Variants in RAB35 observed in about 807,000 individuals in gnomAD.
RAB35 encodes ras-related protein Rab-35.
In RAB35, 4 loss-of-function variants were observed where a neutral mutation model predicts 28.9. The observed-to-expected ratio is 0.14, with a 90% CI of 0.07 to 0.32. The LOEUF (loss-of-function observed/expected upper bound fraction) is 0.32, where lower values mean the gene tolerates loss of function less well. Ranked by LOEUF, RAB35 falls within the 10% of genes least tolerant of loss-of-function variation. The pLI is 1.00. For synonymous variants in RAB35, 99 were observed against 105.1 expected, an observed-to-expected ratio of 0.94 and a Z score of 0.35; for missense variants, 128 against 274.0, an observed-to-expected ratio of 0.47 and a Z score of 3.76.
intron 1 of RAB35, among the ~76,000 whole-genome samples, chr12:120,113,813 G>A (rs145280465): frequency 0.064 from 8,622 of 134,374 alleles, 499 homozygotes; most frequent in African/African-American, 0.19. Flanking sequence ...GCGAGACTCC[G>A]TCTCAAAAAA....
chr12:120,106,878 C>T (rs961491174), intron 2 of RAB35, among the ~76,000 whole-genome samples: 7 of 151,916 alleles, frequency 4.6e-5, no homozygotes, highest in South Asian at 2.1e-4. Flanking sequence ...TGAGCCACCG[C>T]GCCTGGCCAA....
intron 2 of RAB35, among the ~76,000 whole-genome samples, chr12:120,106,621 C>CTCACTCTG (rs1875891602): frequency 7.4e-6 from 1 of 136,022 alleles, no homozygotes; most frequent in Non-Finnish European, 1.5e-5. Context: ...GAGACGGAGT[C>CTCACTCTG]TCACTCTGTC....
rs549188271 is a variant in RAB35, at chr12:120,111,573, C to T, written c.53-3106G>A. ...GTGCGTGCCTGTAATCCCAGCTACT[C>T]GGGAGGCTGAGGCAGGAGAATCGCC... On this transcript the variant is annotated intron_variant, in intron 1 of 5. Coordinates refer to ENST00000229340, the MANE Select transcript of RAB35 (RefSeq NM_006861.7). Among the ~76,000 whole-genome samples, 9 of 151,818 alleles carry T rather than the reference C, an allele frequency of 5.9e-5. No homozygotes were observed. In the South Asian group the frequency reaches 1.5e-3, roughly 25 times the overall value.
Position 120,103,981 on chromosome 12 carries a change from C to T in RAB35, c.104-32G>A, listed in dbSNP as rs112874870. The T allele has an allele frequency of 3.1e-4, 507 of 1,610,896 alleles. 1 individual carries two copies. The African/African-American group carries it at 4.8e-3, about 15-fold the overall frequency. ...ACACAGGGCAGTTAACGAGGCCCAG[C>T]GCGGTATCTTCCCAGGCCCTGAGCC... is the stretch of plus-strand genomic sequence containing the variant. On this transcript the variant is annotated intron_variant, in intron 2 of 5. Coordinates refer to ENST00000229340, the MANE Select transcript of RAB35 (RefSeq NM_006861.7). This position sits in a 1 kb window ranked among gnomAD's most constrained non-coding sequence, Gnocchi z 6.1.
At chr12:120,113,750 G>A (rs1249701778) in intron 1 of RAB35, among the ~76,000 whole-genome samples, 1 of 151,912 alleles carries the variant, frequency 6.6e-6, no homozygotes, top group Non-Finnish European at 1.5e-5. Context: ...CCGGGGAGGT[G>A]GAGCCGGCAG....
intron 1 of RAB35, among the ~76,000 whole-genome samples, chr12:120,114,229 G>A (rs1248020602): frequency 6.6e-6 from 1 of 152,212 alleles, no homozygotes; most frequent in Non-Finnish European, 1.5e-5. Flanking sequence ...AAGTAGCTGG[G>A]ATTACAGGCA....
rs779509340 is a variant in RAB35, at chr12:120,103,274, AGGTGGGCAACC to A, written c.227+541_227+551del. On this transcript the variant is annotated intron_variant, in intron 3 of 5. Transcript: ENST00000229340. This position sits in a 1 kb window ranked among gnomAD's most constrained non-coding sequence, Gnocchi z 6.1. Reference sequence around the variant, plus strand: ...CCCCCGGCCTGCAGCTCAGCCACAAAGGTGGGCAACCGGTGGGCGGCCGGATTTCCCAGGAA... The same window carrying A: ...CCCCCGGCCTGCAGCTCAGCCACAAAGGTGGGCGGCCGGATTTCCCAGGAA... Among the ~76,000 whole-genome samples the A allele has an allele frequency of 5.4e-4, 82 of 152,192 alleles. No individual in the cohort carries two copies. Among genetic ancestry groups the A allele is most frequent in the Non-Finnish European group, 1.1e-3 (73 of 68,036 alleles).
intron 3 of RAB35, chr12:120,099,442 T>C: frequency 2.0e-6 from 1 of 490,010 alleles, no homozygotes. Context: ...GTTCAGAGTC[T>C]GCTGCAGGCT....
intron 1 of RAB35, among the ~76,000 whole-genome samples, chr12:120,113,772 C>T (rs1035597875): frequency 2.0e-5 from 3 of 150,672 alleles, no homozygotes; most frequent in East Asian, 2.0e-4. Context: ...GAGCCGAGAT[C>T]GCGCCACTGC....
intron 2 of RAB35, among the ~76,000 whole-genome samples, 171 bp downstream of exon 2, chr12:120,108,246 G>A (rs1371857368): frequency 2.0e-5 from 3 of 152,176 alleles, no homozygotes; most frequent in Non-Finnish European, 2.9e-5. Context: ...AGAGGCTTCT[G>A]ACAGAAGCGC....
chr12:120,106,608 TTTG>T (rs1875889726), intron 2 of RAB35, among the ~76,000 whole-genome samples: 1 of 150,590 alleles, frequency 6.6e-6, no homozygotes, highest in African/African-American at 2.4e-5. Flanking sequence ...TTTTTTTTTT[TTTG>T]AGACGGAGTC....
chr12:120,109,657 CT>C (rs543003528), intron 1 of RAB35, among the ~76,000 whole-genome samples: 1,359 of 119,992 alleles, frequency 0.011, 16 homozygotes, highest in African/African-American at 0.027. Context: ...GTTGCCCAGG[CT>C]TTTTTTTTTT....
At position 120,096,264 on chromosome 12, in the gene RAB35, A is replaced by G; in HGVS notation, c.*981T>C. ...CAAGAAAGCCCAAGAGTCCAGCCCC[A>G]CAATGGCAGGAAGCCATTCATTTTT... is the stretch of plus-strand genomic sequence containing the variant. On this transcript the variant is annotated 3_prime_UTR_variant, in exon 6 of 6. Coordinates refer to ENST00000229340, the MANE Select transcript of RAB35 (RefSeq NM_006861.7). 8.1e-6 allele frequency: 4 copies of G among 491,090 alleles called. No individual in the cohort carries two copies. The highest frequency in any genetic ancestry group is 4.0e-5 in the South Asian group (2 of 49,404). 30.4% of individuals were successfully genotyped at this position (491,090 alleles called of 1,614,324 possible). A position where few individuals can be genotyped will look rare whatever the true frequency, so the allele number is the denominator to read the frequency against.
rs112700483 is a variant in RAB35, at chr12:120,099,203, C to A, written c.228-49G>T. 2.5e-6 allele frequency: 4 copies of A among 1,610,266 alleles called. No homozygotes were observed. The African/African-American group carries it at 4.0e-5, about 16-fold the overall frequency. On this transcript the variant is annotated intron_variant, in intron 3 of 5. Coordinates refer to ENST00000229340, the MANE Select transcript of RAB35 (RefSeq NM_006861.7). The stretch of plus-strand genomic sequence containing the variant: ...GCATGTCAACCCCGACAGGAGTCAC[C>A]CCCTTGCCGGGACCCACCTGCCCAC...
In RAB35 at chr12:120,096,957, T is replaced by C. The variant is rs1250595722; in HGVS notation, c.*288A>G. 12 of 1,420,204 alleles carry C rather than the reference T, an allele frequency of 8.4e-6. No individual in the cohort carries two copies. Among genetic ancestry groups the C allele is most frequent in the South Asian group, 1.2e-5 (1 of 82,194 alleles). The allele number at this position is 1,420,204 out of a possible 1,614,324, so 88.0% of individuals were successfully genotyped here. On this transcript the variant is annotated 3_prime_UTR_variant, in exon 6 of 6. Coordinates refer to ENST00000229340, the MANE Select transcript of RAB35 (RefSeq NM_006861.7). ...CGGCCGGGTAGAGCAATATACACTA[T>C]GTACAGACTCTGCGAATCAGTCCGC...
intron 1 of RAB35, among the ~76,000 whole-genome samples, chr12:120,115,024 TCTCCAAGAGAA>T (rs1876273064): frequency 6.6e-6 from 1 of 152,102 alleles, no homozygotes; most frequent in Middle Eastern, 3.2e-3. Flanking sequence ...CCAAAGGCCA[TCTCCAAGAGAA>T]CACTCCAGAG....
intron 5 of RAB35, 44 bp downstream of exon 5, chr12:120,098,767 C>A: frequency 6.2e-7 from 1 of 1,608,966 alleles, no homozygotes; most frequent in Non-Finnish European, 8.5e-7. Context: ...ATGGAGAAGG[C>A]GGCCACGGGT....
Position 120,096,721 on chromosome 12 carries a change from G to A in RAB35, c.*524C>T, listed in dbSNP as rs1182601602. The A allele has an allele frequency of 7.0e-6, 9 of 1,289,850 alleles. No individual in the cohort carries two copies. The highest frequency in any genetic ancestry group is 1.0e-6 in the Non-Finnish European group (1 of 988,944). The allele number at this position is 1,289,850 out of a possible 1,614,324, so 79.9% of individuals were successfully genotyped here. A position where few individuals can be genotyped will look rare whatever the true frequency, so the allele number is the denominator to read the frequency against. The stretch of plus-strand genomic sequence containing the variant: ...CCCCGGAGAAGGGGCAAGACCCTGT[G>A]CAGCGGGGACAGAGGCTGACAACCT... On this transcript the variant is annotated 3_prime_UTR_variant, in exon 6 of 6. Transcript: ENST00000229340.
rs1875353340 is a variant in RAB35 at position 120,095,703 on chromosome 12, A to G, written c.*1542T>C. 1 of 152,214 alleles carries G rather than the reference A, an allele frequency of 6.6e-6. No individual in the cohort carries two copies. Among genetic ancestry groups the G allele is most frequent in the South Asian group, 2.1e-4 (1 of 4,832 alleles). 9.4% of individuals were successfully genotyped at this position (152,214 alleles called of 1,614,324 possible). On this transcript the variant is annotated 3_prime_UTR_variant, in exon 6 of 6. Coordinates refer to ENST00000229340, the MANE Select transcript of RAB35 (RefSeq NM_006861.7). ...CTCCAAAGTGAAGGCCTGTCCCAGA[A>G]TCACCAGCTTTTGGCAGTTTGGGCA... is the stretch of plus-strand genomic sequence containing the variant.
Sources: allele counts gnomAD v4.1 joint callset (sites outside exome capture counted in the v4.1 genomes callset), GRCh38; gene constraint gnomAD v4.1.1; non-coding constraint Gnocchi (gnomAD v3.1); transcripts MANE v1.5; gene names NCBI Gene and HGNC (gene_info 2026-07-23, HGNC 2026-07-21).